The following CSMD1 variants were observed in gnomAD, a reference collection of about 807,000 sequenced individuals.
CSMD1 encodes CUB and sushi domain-containing protein 1.
Under a neutral mutation model 417.5 loss-of-function variants are expected in CSMD1, and 213 were observed. The ratio of observed to expected loss-of-function variants is 0.51; its 90% CI spans 0.46 to 0.57. The LOEUF is 0.57. Ranked by LOEUF, CSMD1 falls within the 20% of genes least tolerant of loss-of-function variation. The pLI is 0.00. For synonymous variants in CSMD1, 2,862 were observed against 1,736.8 expected, an observed-to-expected ratio of 1.65 and a Z score of -16.11; for missense variants, 6,923 against 4,529.7, an observed-to-expected ratio of 1.53 and a Z score of -15.17.
At chr8:3,359,093 T>C in intron 21 of CSMD1, 59 bp downstream of exon 21, 2 of 1,560,840 alleles carry the variant, frequency 1.3e-6, no homozygotes, top group Middle Eastern at 1.8e-4. Context: ...CCTAGGCTTC[T>C]TGCCTGGGCT....
At chr8:4,128,005 C>T (rs1802866967) in intron 3 of CSMD1, among the ~76,000 whole-genome samples, 1 of 152,166 alleles carries the variant, frequency 6.6e-6, no homozygotes, top group Admixed American at 6.5e-5. Context: ...GATGCTGTCA[C>T]TTGAGCAAGT....
intron 49 of CSMD1, among the ~76,000 whole-genome samples, chr8:3,080,300 G>A (rs1563316794): frequency 6.6e-6 from 1 of 152,198 alleles, no homozygotes; most frequent in Non-Finnish European, 1.5e-5. Context: ...AGATTAGTGT[G>A]CTGATAATGG....
chr8:3,393,055 T>C (rs1029572703), intron 17 of CSMD1, among the ~76,000 whole-genome samples: 7 of 152,308 alleles, frequency 4.6e-5, no homozygotes, highest in South Asian at 4.1e-4. Context: ...TCCATATGTC[T>C]CTTCAAATAC....
intron 6 of CSMD1, among the ~76,000 whole-genome samples, chr8:3,735,744 C>T (rs1003496703): frequency 3.9e-5 from 6 of 152,188 alleles, no homozygotes; most frequent in African/African-American, 1.4e-4. Context: ...GCCTACCACA[C>T]CTCTAGCCTT....
Position 4,354,865 on chromosome 8 carries a change from A to AGTGTGTGTGTGTGTGTGTGTGT in CSMD1, c.415+65066_415+65087dup, listed in dbSNP as rs59255397. Among the ~76,000 whole-genome samples, 89 of 129,498 alleles carry AGTGTGTGTGTGTGTGTGTGTGT rather than the reference A, an allele frequency of 6.9e-4. 1 individual carries two copies. The highest frequency in any genetic ancestry group is 2.4e-3 in the Admixed American group (29 of 12,050). 85.0% of individuals were successfully genotyped at this position (129,498 alleles called of 152,430 possible). ...GAGGGCAGGTAAATGAGGAAAATGT[A>AGTGTGTGTGTGTGTGTGTGTGT]GTGTGTGTGTGTGTGTGTGTGTGTG... On this transcript the variant is annotated intron_variant, in intron 3 of 69. Transcript: ENST00000635120.
intron 7 of CSMD1, among the ~76,000 whole-genome samples, chr8:3,692,671 G>T (rs376770552): frequency 2.0e-4 from 31 of 152,228 alleles, no homozygotes; most frequent in African/African-American, 7.5e-4. Context: ...GACCTCAAAT[G>T]ATCTGCCTGC....
intron 49 of CSMD1, among the ~76,000 whole-genome samples, chr8:3,070,660 C>G (rs1170303016): frequency 2.6e-5 from 4 of 152,192 alleles, no homozygotes; most frequent in South Asian, 2.1e-4. Context: ...TTGTTTATAT[C>G]ACCATTAGCA....
intron 49 of CSMD1, among the ~76,000 whole-genome samples, chr8:3,080,762 G>A (rs948790119): frequency 2.6e-5 from 4 of 152,096 alleles, no homozygotes; most frequent in African/African-American, 9.7e-5. Flanking sequence ...AATAATTCTG[G>A]GACGTAGATA....
intron 2 of CSMD1, among the ~76,000 whole-genome samples, chr8:4,456,231 A>C (rs866568045): frequency 1.3e-5 from 2 of 152,100 alleles, no homozygotes; most frequent in South Asian, 2.1e-4. Context: ...GGTTCAGAAA[A>C]TATGCTTTAA....
At position 3,487,516 on chromosome 8, in the gene CSMD1, A is replaced by T. The variant is rs1818120583; in HGVS notation, c.1448+6107T>A. On this transcript the variant is annotated intron_variant, in intron 11 of 69. Coordinates refer to ENST00000635120, the MANE Select transcript of CSMD1 (RefSeq NM_033225.6). Reference sequence around the variant, plus strand: ...ATGCCCGGCCTATCAGTATAAATTTAAGGCAGATTTTAGGAATAGCATATA... The same window carrying T: ...ATGCCCGGCCTATCAGTATAAATTTTAGGCAGATTTTAGGAATAGCATATA... Among the ~76,000 whole-genome samples, 9 of 152,158 alleles carry T rather than the reference A, an allele frequency of 5.9e-5. No individual in the cohort carries two copies. The South Asian group carries it at 1.7e-3, about 28-fold the overall frequency.
At chr8:3,182,321 T>A (rs1287079901) in intron 36 of CSMD1, among the ~76,000 whole-genome samples, 14 of 152,126 alleles carry the variant, frequency 9.2e-5, no homozygotes, top group Non-Finnish European at 2.1e-4. Flanking sequence ...ATCTTGGGAT[T>A]CTCCTGCCTC....
At chr8:3,824,381 A>C (rs2129084219) in intron 5 of CSMD1, among the ~76,000 whole-genome samples, 1 of 152,300 alleles carries the variant, frequency 6.6e-6, no homozygotes, top group East Asian at 1.9e-4. Flanking sequence ...TTCCCTCCCA[A>C]AGCTCAGAGT....
At chr8:4,916,170 A>C (rs1013485379) in intron 1 of CSMD1, among the ~76,000 whole-genome samples, 3 of 152,224 alleles carry the variant, frequency 2.0e-5, no homozygotes, top group African/African-American at 7.2e-5. Flanking sequence ...TTATAAAAGA[A>C]AGTAGAGTCC....
At chr8:4,586,248 A>C (rs1799694029) in intron 2 of CSMD1, among the ~76,000 whole-genome samples, 1 of 152,174 alleles carries the variant, frequency 6.6e-6, no homozygotes, top group Non-Finnish European at 1.5e-5. Context: ...TCCAAGTACT[A>C]GTTCTTATTC....
intron 23 of CSMD1, 25 bp downstream of exon 23, chr8:3,343,269 C>A (rs761865847): frequency 2.5e-6 from 4 of 1,597,794 alleles, no homozygotes; most frequent in Admixed American, 1.7e-5. Context: ...GAAAAAAGAA[C>A]GTGATTAAGT....
chr8:3,701,837 T>G (rs138230993), intron 7 of CSMD1, among the ~76,000 whole-genome samples: 1 of 152,320 alleles, frequency 6.6e-6, no homozygotes, highest in African/African-American at 2.4e-5. Flanking sequence ...AAATTATGCC[T>G]GAGCCACAAC....
intron 49 of CSMD1, among the ~76,000 whole-genome samples, chr8:3,070,269 A>T (rs756442346): frequency 1.3e-5 from 2 of 152,240 alleles, no homozygotes; most frequent in Non-Finnish European, 1.5e-5. Context: ...TCTAACAAGT[A>T]GCTGCTCCAC....
At chr8:4,872,222 G>A (rs974988499) in intron 1 of CSMD1, among the ~76,000 whole-genome samples, 4 of 152,062 alleles carry the variant, frequency 2.6e-5, no homozygotes, top group Non-Finnish European at 4.4e-5. Context: ...CCTTGGAGTT[G>A]GGACGACAAT....
At chr8:3,937,227 T>G (rs1810558350) in intron 5 of CSMD1, among the ~76,000 whole-genome samples, 1 of 152,168 alleles carries the variant, frequency 6.6e-6, no homozygotes, top group South Asian at 2.1e-4. Context: ...TTGTGATTAT[T>G]TCATAAACTC....
Sources: gnomAD v4.1 joint callset for allele counts (sites outside exome capture counted in the v4.1 genomes callset) on GRCh38, gnomAD v4.1.1 for gene constraint, MANE v1.5 for transcripts, NCBI Gene and HGNC (gene_info 2026-07-23, HGNC 2026-07-21) for gene names.